RORA: variants seen among roughly 807,000 people sequenced by gnomAD.
The protein encoded by RORA is RAR related orphan receptor A.
RORA carries 7 observed loss-of-function variants against 69.5 expected under a neutral mutation model. The observed-to-expected ratio is 0.10, with a 90% CI of 0.06 to 0.19. The LOEUF (loss-of-function observed/expected upper bound fraction) is 0.19. Ranked by LOEUF, RORA falls within the 10% of genes least tolerant of loss-of-function variation. RORA has a pLI of 1.00. For missense variants in RORA, 457 were observed against 663.0 expected, an observed-to-expected ratio of 0.69 and a Z score of 3.41; for synonymous variants, 261 against 240.8, an observed-to-expected ratio of 1.08 and a Z score of -0.78.
chr15:61,211,711 C>G (rs2079993388), intron 1 of RORA, among the ~76,000 whole-genome samples: 1 of 152,200 alleles, frequency 6.6e-6, no homozygotes, highest in Non-Finnish European at 1.5e-5. Flanking sequence ...CAGGGCAGAG[C>G]CCCCTCCCGC....
At chr15:60,805,120 A>G (rs1419197639) in intron 1 of RORA, among the ~76,000 whole-genome samples, 3 of 152,148 alleles carry the variant, frequency 2.0e-5, no homozygotes, top group Admixed American at 6.5e-5. Flanking sequence ...CCCAACCTGC[A>G]GCTGGAGTTG....
intron 10 of RORA, among the ~76,000 whole-genome samples, chr15:60,498,367 G>C (rs747677059): frequency 1.2e-4 from 18 of 152,106 alleles, no homozygotes; most frequent in Non-Finnish European, 2.6e-4. Flanking sequence ...TGGAAGTGAT[G>C]GCATCCTCTA....
rs7161961 is a variant in RORA at position 61,072,861 on chromosome 15, T to C, written c.166+156192A>G. Among the ~76,000 whole-genome samples the C allele has an allele frequency of 4.0e-3, 614 of 152,328 alleles. 5 individuals carry two copies. Among genetic ancestry groups the C allele is most frequent in the African/African-American group, 0.014 (590 of 41,574 alleles). ...TTAAGGATTAAATGAGTAAAGCCCA[T>C]GTACAGTGCTCAGAACAGGGCATGG... is the stretch of plus-strand genomic sequence containing the variant. On this transcript the variant is annotated intron_variant, in intron 1 of 10. Coordinates refer to ENST00000335670, the MANE Select transcript of RORA (RefSeq NM_134261.3).
chr15:60,879,131 G>C (rs983236472), intron 1 of RORA, among the ~76,000 whole-genome samples: 8 of 152,148 alleles, frequency 5.3e-5, no homozygotes, highest in African/African-American at 1.9e-4. Flanking sequence ...GTTTCCATGT[G>C]TTAGAAGCAT....
In RORA at chr15:60,743,205, GC is replaced by G. The variant is rs1336443242; in HGVS notation, c.167-64520del. On this transcript the variant is annotated intron_variant, in intron 1 of 10. Transcript: ENST00000335670. ...AATTTTTGTATTTTTAGTAGAGACA[GC>G]ATTTTGCCATGTTGACCAGGCTGGT... Among the ~76,000 whole-genome samples, 2 of 151,876 alleles carry G rather than the reference GC, an allele frequency of 1.3e-5. 1 individual carries two copies. Among genetic ancestry groups the G allele is most frequent in the Admixed American group, 1.3e-4 (2 of 15,258 alleles).
At chr15:60,684,328 C>T (rs190338925) in intron 1 of RORA, among the ~76,000 whole-genome samples, 2 of 152,088 alleles carry the variant, frequency 1.3e-5, no homozygotes, top group African/African-American at 2.4e-5. Context: ...CATTAAAAAA[C>T]GAACAGGCTG....
intron 1 of RORA, among the ~76,000 whole-genome samples, chr15:61,094,272 T>C (rs78468334): frequency 0.016 from 2,432 of 152,278 alleles, 40 homozygotes; most frequent in East Asian, 0.073. Flanking sequence ...GACCTATAGA[T>C]TTAAGAGGCA....
At chr15:61,130,201 T>A (rs1313509052) in intron 1 of RORA, among the ~76,000 whole-genome samples, 3 of 152,192 alleles carry the variant, frequency 2.0e-5, no homozygotes, top group Non-Finnish European at 4.4e-5. Context: ...GCATAATAAT[T>A]TACTGGTTAT....
At chr15:60,860,458 T>C (rs993140864) in intron 1 of RORA, among the ~76,000 whole-genome samples, 3 of 152,218 alleles carry the variant, frequency 2.0e-5, no homozygotes, top group African/African-American at 7.2e-5. Context: ...TGAAGTGTAT[T>C]TGACCCAACG....
chr15:60,618,098 T>C (rs2069305079), intron 2 of RORA, among the ~76,000 whole-genome samples: 1 of 152,246 alleles, frequency 6.6e-6, no homozygotes, highest in African/African-American at 2.4e-5. Flanking sequence ...CAGATGTTCT[T>C]TTAATAGTTA....
chr15:60,950,290 G>C (rs990197120), intron 1 of RORA, among the ~76,000 whole-genome samples: 4 of 144,372 alleles, frequency 2.8e-5, no homozygotes, highest in African/African-American at 1.0e-4. Flanking sequence ...TGAAGGAAGC[G>C]CTAAACATGG....
intron 2 of RORA, among the ~76,000 whole-genome samples, chr15:60,599,808 T>C (rs2068775108): frequency 1.3e-5 from 2 of 152,250 alleles, no homozygotes. Context: ...GGAATTGTGC[T>C]TCAGAAAATA....
At chr15:60,498,861 A>G (rs79898062) in intron 10 of RORA, among the ~76,000 whole-genome samples, 7 of 125,486 alleles carry the variant, frequency 5.6e-5, no homozygotes, top group African/African-American at 3.0e-4. Context: ...ATAAAGGAGA[A>G]AAAAAAAAAA....
At chr15:61,091,630 A>C (rs774221717) in intron 1 of RORA, among the ~76,000 whole-genome samples, 2 of 152,216 alleles carry the variant, frequency 1.3e-5, no homozygotes, top group African/African-American at 4.8e-5. Flanking sequence ...GCCTTAATAG[A>C]TTGACTACAG....
At chr15:61,036,571 A>G (rs1195593904) in intron 1 of RORA, among the ~76,000 whole-genome samples, 2 of 152,116 alleles carry the variant, frequency 1.3e-5, no homozygotes, top group Admixed American at 6.5e-5. Context: ...GCGCGTTTTA[A>G]TAAACATCTT....
intron 3 of RORA, among the ~76,000 whole-genome samples, chr15:60,522,715 G>A (rs1172396335): frequency 6.7e-6 from 1 of 150,276 alleles, no homozygotes; most frequent in Non-Finnish European, 1.5e-5. Flanking sequence ...GGTGCAGTGA[G>A]CTATGATTGT....
At chr15:61,035,995 G>A (rs1195715246) in intron 1 of RORA, among the ~76,000 whole-genome samples, 2 of 152,202 alleles carry the variant, frequency 1.3e-5, no homozygotes, top group African/African-American at 4.8e-5. Context: ...GTGGAATGAG[G>A]GAAAGGGGTT....
chr15:61,175,658 A>C (rs1289125699), intron 1 of RORA, among the ~76,000 whole-genome samples: 1 of 151,986 alleles, frequency 6.6e-6, no homozygotes, highest in African/African-American at 2.4e-5. Context: ...TTGAGGCTGC[A>C]ATGAGCCATA....
intron 1 of RORA, among the ~76,000 whole-genome samples, chr15:60,796,622 C>T (rs1268338631): frequency 6.6e-6 from 1 of 152,098 alleles, no homozygotes; most frequent in Non-Finnish European, 1.5e-5. Context: ...TTGGTAGCCC[C>T]TCAATAAATC....
Sources: gnomAD v4.1 joint callset for allele counts (sites outside exome capture counted in the v4.1 genomes callset) on GRCh38, gnomAD v4.1.1 for gene constraint, MANE v1.5 for transcripts, NCBI Gene and HGNC (gene_info 2026-07-23, HGNC 2026-07-21) for gene names.